ST6GALNAC3: variants seen among roughly 807,000 people sequenced by gnomAD.
ST6GALNAC3 encodes the protein ST6 N-acetylgalactosaminide alpha-2,6-sialyltransferase 3, also known as alpha-N-acetylgalactosaminide alpha-2,6-sialyltransferase 3.
In ST6GALNAC3, 25 loss-of-function variants were observed where a neutral mutation model predicts 32.7. That is an observed-to-expected ratio of 0.76 (90% CI 0.56 to 1.07). The LOEUF is 1.07. Among genes scored for constraint, ST6GALNAC3 ranks in the 50% least tolerant of loss-of-function variants. The pLI, the probability that ST6GALNAC3 is intolerant of heterozygous loss-of-function variation, is 0.00. For missense variants in ST6GALNAC3, 355 were observed against 382.4 expected (o/e 0.93, Z 0.60); for synonymous variants, 129 against 133.1 (o/e 0.97, Z 0.21).
At chr1:76,122,439 A>C (rs1010556058) in intron 1 of ST6GALNAC3, among the ~76,000 whole-genome samples, 8 of 152,144 alleles carry the variant, frequency 5.3e-5, no homozygotes, top group Admixed American at 3.9e-4. Flanking sequence ...CAGGTGAACA[A>C]GTGAACAGCT....
At chr1:76,080,969 T>C (rs1169704601) in intron 1 of ST6GALNAC3, among the ~76,000 whole-genome samples, 1 of 152,152 alleles carries the variant, frequency 6.6e-6, no homozygotes, top group Non-Finnish European at 1.5e-5. Flanking sequence ...AATGAGTGGC[T>C]TGGGTAAAAG....
intron 2 of ST6GALNAC3, among the ~76,000 whole-genome samples, chr1:76,397,305 A>G (rs1424746490): frequency 6.6e-6 from 1 of 152,118 alleles, no homozygotes; most frequent in Non-Finnish European, 1.5e-5. Context: ...TTTTTCCTGA[A>G]AAACCACTTG....
chr1:76,617,360 C>CTTTTT (rs564466397), intron 3 of ST6GALNAC3, among the ~76,000 whole-genome samples: 4 of 147,720 alleles, frequency 2.7e-5, no homozygotes, highest in Non-Finnish European at 6.0e-5. Context: ...CTGTTACAAT[C>CTTTTT]TTTTTTTTTT....
intron 1 of ST6GALNAC3, among the ~76,000 whole-genome samples, chr1:76,143,652 A>G (rs1056571442): frequency 2.0e-5 from 3 of 152,184 alleles, no homozygotes; most frequent in African/African-American, 4.8e-5. Flanking sequence ...ACAATTCAAT[A>G]CATTACTCTT....
intron 1 of ST6GALNAC3, among the ~76,000 whole-genome samples, chr1:76,311,585 C>T (rs1222849225): frequency 1.3e-5 from 2 of 152,114 alleles, no homozygotes; most frequent in African/African-American, 4.8e-5. Context: ...CCAGCTTCAT[C>T]CATGTCCCTG....
intron 2 of ST6GALNAC3, among the ~76,000 whole-genome samples, chr1:76,375,560 A>C (rs570787511): frequency 6.6e-6 from 1 of 152,300 alleles, no homozygotes; most frequent in South Asian, 2.1e-4. Flanking sequence ...CCAAGTTCAG[A>C]GGATGGAACA....
intron 2 of ST6GALNAC3, among the ~76,000 whole-genome samples, chr1:76,324,016 T>A (rs1337122427): frequency 6.6e-6 from 1 of 152,096 alleles, no homozygotes; most frequent in Admixed American, 6.5e-5. Flanking sequence ...TGCACCACCA[T>A]GCCCGGCTTA....
chr1:76,317,476 A>G (rs1244481472), intron 2 of ST6GALNAC3, among the ~76,000 whole-genome samples: 1 of 152,126 alleles, frequency 6.6e-6, no homozygotes, highest in Non-Finnish European at 1.5e-5. Context: ...GTCCCTATTC[A>G]TTCTATTCTA....
At chr1:76,296,610 A>G (rs1378448677) in intron 1 of ST6GALNAC3, among the ~76,000 whole-genome samples, 18 of 152,034 alleles carry the variant, frequency 1.2e-4, no homozygotes, top group Non-Finnish European at 2.1e-4. Context: ...CCAAATGTCC[A>G]TAGCAGTGTT....
In ST6GALNAC3 at chr1:76,459,077, A is replaced by T. The variant is rs115208308; in HGVS notation, c.623+46660A>T. ...TCCTTTTGGGATTTATGTGCCTCCC[A>T]GCATATTGGGAGATATCCTTAGCAG... On this transcript the variant is annotated intron_variant, in intron 3 of 4. Coordinates refer to ENST00000328299, the MANE Select transcript of ST6GALNAC3 (RefSeq NM_152996.4). 5.1e-3 allele frequency among the ~76,000 whole-genome samples: 776 copies of T among 152,272 alleles called. 8 individuals carry two copies. Among genetic ancestry groups the T allele is most frequent in the African/African-American group, 0.017 (711 of 41,554 alleles).
At chr1:76,540,936 T>G (rs960762076) in intron 3 of ST6GALNAC3, among the ~76,000 whole-genome samples, 3 of 152,096 alleles carry the variant, frequency 2.0e-5, no homozygotes, top group Non-Finnish European at 2.9e-5. Context: ...GCCAATGTAA[T>G]GTGGTAAGTG....
chr1:76,290,265 A>T (rs778195653), intron 1 of ST6GALNAC3, among the ~76,000 whole-genome samples: 2 of 152,220 alleles, frequency 1.3e-5, no homozygotes, highest in African/African-American at 2.4e-5. Flanking sequence ...TTTAAAAAGT[A>T]CACTATTGCT....
chr1:76,104,124 G>T (rs1267595363), intron 1 of ST6GALNAC3, among the ~76,000 whole-genome samples: 2 of 152,084 alleles, frequency 1.3e-5, no homozygotes, highest in Non-Finnish European at 2.9e-5. Context: ...AGGCTTGTGG[G>T]TGGGTTTCTA....
intron 1 of ST6GALNAC3, among the ~76,000 whole-genome samples, chr1:76,171,546 A>C (rs1441305543): frequency 1.3e-5 from 2 of 151,976 alleles, no homozygotes; most frequent in African/African-American, 4.8e-5. Context: ...CATTAGCTAG[A>C]CTAATAAGGA....
chr1:76,536,435 AAGG>A (rs1418969152), intron 3 of ST6GALNAC3, among the ~76,000 whole-genome samples: 3 of 152,090 alleles, frequency 2.0e-5, no homozygotes, highest in Non-Finnish European at 4.4e-5. Context: ...TGGTGTCAAG[AAGG>A]AGAAGTGCAA....
intron 1 of ST6GALNAC3, among the ~76,000 whole-genome samples, chr1:76,249,457 G>A (rs35505105): frequency 0.053 from 8,045 of 152,054 alleles, 294 homozygotes; most frequent in Middle Eastern, 0.13. Flanking sequence ...ATTATAGCTT[G>A]TATCAATACT....
intron 1 of ST6GALNAC3, among the ~76,000 whole-genome samples, chr1:76,096,938 A>C (rs1273829618): frequency 2.7e-5 from 3 of 112,510 alleles, no homozygotes; most frequent in African/African-American, 1.0e-4. Flanking sequence ...TTTTTTTTTG[A>C]GACAGAGTCT....
chr1:76,169,425 T>C (rs1305029593), intron 1 of ST6GALNAC3, among the ~76,000 whole-genome samples: 3 of 152,136 alleles, frequency 2.0e-5, no homozygotes, highest in Non-Finnish European at 4.4e-5. Flanking sequence ...GATTATGTGC[T>C]TGGGGATGAT....
chr1:76,492,479 G>C (rs1384002855), intron 3 of ST6GALNAC3, among the ~76,000 whole-genome samples: 1 of 152,088 alleles, frequency 6.6e-6, no homozygotes. Context: ...GATAATAAAA[G>C]CTTAACGTAG....
Sources: gnomAD v4.1 joint callset for allele counts (sites outside exome capture counted in the v4.1 genomes callset) on GRCh38, gnomAD v4.1.1 for gene constraint, MANE v1.5 for transcripts, NCBI Gene and HGNC (gene_info 2026-07-23, HGNC 2026-07-21) for gene names.